Variants in RBX1 observed in about 807,000 individuals in gnomAD.
RBX1 encodes ring-box 1, also known as E3 ubiquitin-protein ligase RBX1.
For missense variants in RBX1, 46 were observed against 141.4 expected (o/e 0.33, Z 3.42); for synonymous variants, 48 against 47.9 (o/e 1.00, Z -0.01).
At chr22:40,962,434 C>T (rs112013335) in intron 2 of RBX1, among the ~76,000 whole-genome samples, 2 of 151,366 alleles carry the variant, frequency 1.3e-5, no homozygotes, top group Admixed American at 6.6e-5. Context: ...ATCATGGTAT[C>T]TCTTCCCCTA....
In RBX1 at chr22:40,964,072, G is replaced by A. The variant is rs752517552; in HGVS notation, c.183G>A (p.Ala61=). The change falls in exon 3 of 5, where the codon GCG becomes GCA. Residue 61 remains alanine (A), a synonymous_variant. Transcript: ENST00000216225. ...DLCIECQANQ[A]SATSEECTVA... ...GCATAGAATGTCAAGCTAACCAGGCGTCCGCTACTTCAGAAGAGTGTACTG... is the reference window on the plus strand; with the variant it reads ...GCATAGAATGTCAAGCTAACCAGGCATCCGCTACTTCAGAAGAGTGTACTG... 36 of 1,613,920 alleles carry A rather than the reference G, an allele frequency of 2.2e-5. No individual in the cohort carries two copies. The East Asian group carries it at 3.6e-4, about 16-fold the overall frequency.
intron 1 of RBX1, among the ~76,000 whole-genome samples, chr22:40,951,785 TG>T (rs1007958966): frequency 8.2e-4 from 7 of 8,560 alleles, no homozygotes; most frequent in Admixed American, 2.0e-3. Flanking sequence ...GGTTGAGAGG[TG>T]GGGGAAGGAC....
In RBX1 at chr22:40,967,230, T is replaced by C. The variant is rs73174621; in HGVS notation, c.229-569T>C. The stretch of plus-strand genomic sequence containing the variant: ...CTTGTAATATCAATATGTCTGTGAA[T>C]AAATCTAGAAATAAAGTTTCTTTGA... On this transcript the variant is annotated intron_variant, in intron 3 of 4. Transcript: ENST00000216225. 880 of 152,386 alleles carry C rather than the reference T, an allele frequency of 5.8e-3. 6 individuals are homozygous for C. Among genetic ancestry groups the C allele is most frequent in the Middle Eastern group, 0.031 (9 of 294 alleles). The allele number at this position is 152,386 out of a possible 1,614,324, so 9.4% of individuals were successfully genotyped here.
intron 1 of RBX1, among the ~76,000 whole-genome samples, 198 bp downstream of exon 1, chr22:40,951,674 T>G (rs2058310923): frequency 6.6e-6 from 1 of 152,104 alleles, no homozygotes. Context: ...GAAGTGTTGG[T>G]TTCGCTGTGA....
chr22:40,959,766 G>C (rs1569043497), intron 2 of RBX1, among the ~76,000 whole-genome samples: 2 of 152,088 alleles, frequency 1.3e-5, no homozygotes, highest in Non-Finnish European at 2.9e-5. Context: ...AGCCAAGATT[G>C]CACCAGTGCC....
At chr22:40,958,805 T>A (rs761251680) in intron 2 of RBX1, among the ~76,000 whole-genome samples, 10 of 151,562 alleles carry the variant, frequency 6.6e-5, no homozygotes, top group Non-Finnish European at 1.3e-4. Flanking sequence ...TTTGGTTTGG[T>A]TTGGTTTGGT....
At chr22:40,953,431 A>G (rs962405235) in intron 1 of RBX1, 124 bp from the exon 2 acceptor site, 1 of 650,854 alleles carries the variant, frequency 1.5e-6, no homozygotes, top group Non-Finnish European at 2.9e-6. Flanking sequence ...TAATATCCAA[A>G]AACTTTTGTT....
At chr22:40,956,689 C>T (rs552985570) in intron 2 of RBX1, among the ~76,000 whole-genome samples, 5 of 151,528 alleles carry the variant, frequency 3.3e-5, no homozygotes, top group South Asian at 2.1e-4. Context: ...CCCAAAGTGC[C>T]GGGATTATAG....
At chr22:40,961,150 C>T (rs1260653989) in intron 2 of RBX1, among the ~76,000 whole-genome samples, 6 of 137,186 alleles carry the variant, frequency 4.4e-5, no homozygotes, top group Admixed American at 2.4e-4. Context: ...TGCAGTGGTA[C>T]GATCATGGTG....
At chr22:40,963,617 CAA>C (rs2058346709) in intron 2 of RBX1, among the ~76,000 whole-genome samples, 1 of 152,078 alleles carries the variant, frequency 6.6e-6, no homozygotes. Flanking sequence ...GCCTGGGCAA[CAA>C]GAGGGAAACT....
intron 2 of RBX1, among the ~76,000 whole-genome samples, chr22:40,963,705 C>T (rs1326773607): frequency 6.6e-6 from 1 of 152,060 alleles, no homozygotes; most frequent in Non-Finnish European, 1.5e-5. Context: ...AAACAATTAG[C>T]TGGTGTGGTG....
At chr22:40,951,645 C>T (rs565901805) in intron 1 of RBX1, among the ~76,000 whole-genome samples, 169 bp downstream of exon 1, 2 of 152,246 alleles carry the variant, frequency 1.3e-5, no homozygotes, top group African/African-American at 4.8e-5. Flanking sequence ...ATCGGCGTGA[C>T]GGCGGCCCAC....
Position 40,966,824 on chromosome 22 carries a change from CA to C in RBX1, c.229-974del, listed in dbSNP as rs1455545171. 7 of 152,326 alleles carry C rather than the reference CA, an allele frequency of 4.6e-5. No individual in the cohort carries two copies. In the South Asian group the frequency reaches 1.0e-3, roughly 23 times the overall value. The allele number at this position is 152,326 out of a possible 1,614,324, so 9.4% of individuals were successfully genotyped here. On this transcript the variant is annotated intron_variant, in intron 3 of 4. Transcript: ENST00000216225. Reference sequence around the variant, plus strand: ...AGTAATTTCTGCCCGTGCCCCACCACAGTGCACCAATCACAGACGAAATGAA... The same window carrying C: ...AGTAATTTCTGCCCGTGCCCCACCACGTGCACCAATCACAGACGAAATGAA...
At chr22:40,952,558 G>A (rs2058314090) in intron 1 of RBX1, among the ~76,000 whole-genome samples, 1 of 152,188 alleles carries the variant, frequency 6.6e-6, no homozygotes, top group African/African-American at 2.4e-5. Flanking sequence ...CACTGAGAAT[G>A]GGGTTTGAAA....
chr22:40,965,388 T>C (rs528634520), intron 3 of RBX1, among the ~76,000 whole-genome samples: 2 of 152,030 alleles, frequency 1.3e-5, no homozygotes, highest in South Asian at 4.2e-4. Flanking sequence ...TCCTGTTGGG[T>C]TGCAACTCTT....
chr22:40,955,290 C>T (rs1045273510), intron 2 of RBX1, among the ~76,000 whole-genome samples: 1 of 142,822 alleles, frequency 7.0e-6, no homozygotes, highest in East Asian at 2.0e-4. Flanking sequence ...TTTTCAGAGA[C>T]GGGATCTCGC....
chr22:40,965,597 C>T (rs1427819626), intron 3 of RBX1, among the ~76,000 whole-genome samples: 3 of 152,000 alleles, frequency 2.0e-5, no homozygotes, highest in Non-Finnish European at 4.4e-5. Context: ...TGTACCACCA[C>T]ACCCAGCTAA....
intron 2 of RBX1, among the ~76,000 whole-genome samples, chr22:40,955,222 C>T (rs2146297154): frequency 6.6e-6 from 1 of 151,910 alleles, no homozygotes; most frequent in South Asian, 2.1e-4. Flanking sequence ...GAATGTAAGC[C>T]AGTACAAACA....
intron 1 of RBX1, among the ~76,000 whole-genome samples, chr22:40,952,085 A>G (rs1291784396): frequency 6.6e-6 from 1 of 151,970 alleles, no homozygotes; most frequent in East Asian, 1.9e-4. Context: ...TTTTCACACA[A>G]CCACCCCACT....
Sources: gnomAD v4.1 joint callset for allele counts (sites outside exome capture counted in the v4.1 genomes callset) on GRCh38, gnomAD v4.1.1 for gene constraint, MANE v1.5 for transcripts, NCBI Gene and HGNC (gene_info 2026-07-23, HGNC 2026-07-21) for gene names.